DTNB: variants seen among roughly 807,000 people sequenced by gnomAD.
DTNB encodes the protein dystrobrevin beta.
Under a neutral mutation model 90.7 loss-of-function variants are expected in DTNB, and 63 were observed. The observed-to-expected ratio is 0.69, with a 90% CI of 0.57 to 0.86. DTNB has a LOEUF of 0.86. DTNB is among the 40% of genes least tolerant of loss of function. The pLI is 0.00. For synonymous variants in DTNB, 277 were observed against 286.7 expected (o/e 0.97, Z 0.34); for missense variants, 744 against 807.1 (o/e 0.92, Z 0.95).
chr2:25,668,539 T>C (rs552432060), intron 1 of DTNB, among the ~76,000 whole-genome samples: 16 of 152,192 alleles, frequency 1.1e-4, no homozygotes, highest in South Asian at 4.1e-4. Flanking sequence ...AACTATACAA[T>C]ACAAAGAGTG....
intron 6 of DTNB, among the ~76,000 whole-genome samples, chr2:25,591,401 G>A (rs1453744638): frequency 3.9e-5 from 6 of 152,224 alleles, no homozygotes; most frequent in East Asian, 1.9e-4. Context: ...AGCCAGCATC[G>A]TGGCAGTGGC....
intron 16 of DTNB, among the ~76,000 whole-genome samples, chr2:25,401,373 T>C (rs1267361250): frequency 1.3e-5 from 2 of 152,198 alleles, no homozygotes; most frequent in Non-Finnish European, 2.9e-5. Context: ...AAAACAGGTA[T>C]AGAAAATGCC....
At chr2:25,638,681 CAT>C (rs1252275857) in intron 3 of DTNB, among the ~76,000 whole-genome samples, 1 of 152,174 alleles carries the variant, frequency 6.6e-6, no homozygotes, top group African/African-American at 2.4e-5. Context: ...TTATCAAAAA[CAT>C]TGTTTTTCTT....
intron 8 of DTNB, 182 bp downstream of exon 8, chr2:25,576,656 T>C (rs2148137537): frequency 1.4e-6 from 1 of 731,048 alleles, no homozygotes; most frequent in Middle Eastern, 4.2e-4. Flanking sequence ...TTTTAAAAAT[T>C]CTGCTTTTAA....
rs953381666 is a variant in DTNB at position 25,531,942 on chromosome 2, C to G, written c.877-345G>C. On this transcript the variant is annotated intron_variant, in intron 8 of 20. Coordinates refer to ENST00000406818, the MANE Select transcript of DTNB (RefSeq NM_021907.5). ...AAGATGTTAACATTAATTTCCTGAT[C>G]AGAGTCGGAACTTTTTGATGGAGGC... Among the ~76,000 whole-genome samples, 108 of 152,252 alleles carry G rather than the reference C, an allele frequency of 7.1e-4. 1 individual carries two copies. Among genetic ancestry groups the G allele is most frequent in the African/African-American group, 2.3e-3 (96 of 41,548 alleles).
At chr2:25,488,563 G>A (rs2066688757) in intron 9 of DTNB, among the ~76,000 whole-genome samples, 1 of 152,200 alleles carries the variant, frequency 6.6e-6, no homozygotes. Flanking sequence ...ACAGAACTCA[G>A]ATGAAATGTC....
chr2:25,661,881 G>A (rs907305658), intron 1 of DTNB, among the ~76,000 whole-genome samples: 15 of 152,224 alleles, frequency 9.9e-5, no homozygotes, highest in Admixed American at 2.0e-4. Context: ...TAGGCCAGGC[G>A]CAGTGGCTCC....
chr2:25,672,119 G>C (rs2086067483), intron 1 of DTNB, among the ~76,000 whole-genome samples: 1 of 146,780 alleles, frequency 6.8e-6, no homozygotes, highest in South Asian at 2.1e-4. Flanking sequence ...GAAAGTGGTA[G>C]CATGGCCACA....
At chr2:25,649,673 C>T (rs2080415011) in intron 2 of DTNB, among the ~76,000 whole-genome samples, 1 of 152,148 alleles carries the variant, frequency 6.6e-6, no homozygotes, top group African/African-American at 2.4e-5. Flanking sequence ...GAGCCGTGAT[C>T]ATACCACTGC....
chr2:25,576,949 C>T lies in DTNB; in HGVS notation c.765G>A (p.Arg255=). 1.9e-6 allele frequency: 3 copies of T among 1,612,258 alleles called. No individual in the cohort carries two copies. Among genetic ancestry groups the T allele is most frequent in the Non-Finnish European group, 2.5e-6 (3 of 1,179,270 alleles). The change falls in exon 8 of 21, where the codon CGG becomes CGA. Residue 255 remains arginine, a synonymous_variant. Coordinates refer to ENST00000406818, the MANE Select transcript of DTNB (RefSeq NM_021907.5). ...YCRCESMMGF[R]YRCQQCHNYQ... ...AGTTGTGGCACTGCTGGCATCGGTA[C>T]CGGAAACCCATCATACTCTCACATC...
Position 25,388,327 on chromosome 2 carries a change from G to T in DTNB, c.1610C>A (p.Thr537Asn). The T allele has an allele frequency of 6.2e-7, 1 of 1,612,996 alleles. No homozygotes were observed. Residue 537 changes from threonine (T) to asparagine (N), a missense_variant, in exon 17 of 21, where the codon ACC (threonine) becomes AAC (asparagine). Transcript: ENST00000406818. ...GGGCATTGGCCGGCCGCCTCCATGGGTGGGCGATGTATGTGGTGACCCTGT... is the reference window on the plus strand; with the variant it reads ...GGGCATTGGCCGGCCGCCTCCATGGTTGGGCGATGTATGTGGTGACCCTGT... ...QATGSPHTSP[T>N]HGGGRPMPMP...
chr2:25,633,619 C>A (rs1019996651), intron 3 of DTNB, among the ~76,000 whole-genome samples: 1 of 152,012 alleles, frequency 6.6e-6, no homozygotes, highest in Admixed American at 6.5e-5. Context: ...CTCTGCCTAG[C>A]CGCCCATCGT....
intron 8 of DTNB, among the ~76,000 whole-genome samples, chr2:25,573,286 C>T (rs751636770): frequency 5.3e-5 from 8 of 152,170 alleles, no homozygotes; most frequent in Admixed American, 2.0e-4. Context: ...TCCAGGGTTT[C>T]ATGTACCTCA....
In DTNB at chr2:25,645,451, A is replaced by G. The variant is rs550477783; in HGVS notation, c.68-6357T>C. Among the ~76,000 whole-genome samples the G allele has an allele frequency of 4.0e-5, 6 of 150,414 alleles. No homozygotes were observed. The East Asian group carries it at 9.7e-4, about 24-fold the overall frequency. On this transcript the variant is annotated intron_variant, in intron 2 of 20. Coordinates refer to ENST00000406818, the MANE Select transcript of DTNB (RefSeq NM_021907.5). ...ATCTAATCTGTGGGGTAAAAAAGAG[A>G]TTTTTTTTTTAACAGGGTCTCACTC... is the stretch of plus-strand genomic sequence containing the variant.
intron 10 of DTNB, among the ~76,000 whole-genome samples, chr2:25,479,862 A>G (rs1171807491): frequency 6.6e-6 from 1 of 152,202 alleles, no homozygotes; most frequent in Non-Finnish European, 1.5e-5. Context: ...GTTCTAAAAG[A>G]AACCTCTTAT....
chr2:25,625,958 G>C (rs1407412065), intron 4 of DTNB, among the ~76,000 whole-genome samples: 1 of 152,042 alleles, frequency 6.6e-6, no homozygotes, highest in East Asian at 1.9e-4. Context: ...GTCATGTGAG[G>C]ATACCACAAA....
intron 16 of DTNB, among the ~76,000 whole-genome samples, chr2:25,391,502 C>G (rs1306421097): frequency 6.6e-6 from 1 of 152,144 alleles, no homozygotes; most frequent in Admixed American, 6.6e-5. Flanking sequence ...TGGAAAGATG[C>G]TCAGCATTAT....
At chr2:25,559,950 G>C (rs965252301) in intron 8 of DTNB, among the ~76,000 whole-genome samples, 1 of 152,224 alleles carries the variant, frequency 6.6e-6, no homozygotes, top group South Asian at 2.1e-4. Flanking sequence ...GATGTTCAAT[G>C]TACGTGTCAA....
intron 10 of DTNB, among the ~76,000 whole-genome samples, chr2:25,456,124 T>C (rs959588803): frequency 1.3e-5 from 2 of 152,236 alleles, no homozygotes; most frequent in African/African-American, 2.4e-5. Context: ...CTTAAGCACA[T>C]GGTCTTCTAA....
Sources: gnomAD v4.1 joint callset for allele counts (sites outside exome capture counted in the v4.1 genomes callset) on GRCh38, gnomAD v4.1.1 for gene constraint, MANE v1.5 for transcripts, NCBI Gene and HGNC (gene_info 2026-07-23, HGNC 2026-07-21) for gene names.